The following TF variants were observed in gnomAD, a reference collection of about 807,000 sequenced individuals.
TF encodes serotransferrin.
Under a neutral mutation model 82.4 loss-of-function variants are expected in TF, and 55 were observed. That is an observed-to-expected ratio of 0.67 (90% CI 0.54 to 0.84). TF has a LOEUF of 0.84. Among genes scored for constraint, TF ranks in the 40% least tolerant of loss-of-function variants. The pLI is 0.00. For synonymous variants in TF, 332 were observed against 332.6 expected, an observed-to-expected ratio of 1.00 and a Z score of 0.02; for missense variants, 737 against 868.4, an observed-to-expected ratio of 0.85 and a Z score of 1.90.
chr3:133,778,511 TG>T, intron 16 of TF, 74 bp from the exon 17 acceptor site: 1 of 1,525,782 alleles, frequency 6.6e-7, no homozygotes, highest in Non-Finnish European at 9.1e-7. Flanking sequence ...ATGCTGAAAT[TG>T]TTCAATCACT....
At chr3:133,670,511 CT>C in the TF span, among the ~76,000 whole-genome samples, 2 of 152,168 alleles carry the variant, frequency 1.3e-5, no homozygotes, top group Non-Finnish European at 2.9e-5. Flanking sequence ...AGAGTTTGAT[CT>C]AATCTAGGGT....
chr3:133,674,738 C>G, the TF span, among the ~76,000 whole-genome samples: 1 of 148,610 alleles, frequency 6.7e-6, no homozygotes, highest in Non-Finnish European at 1.5e-5. Flanking sequence ...ACAGCGGGAC[C>G]CTGCGCGACA....
intron 2 of TF, among the ~76,000 whole-genome samples, chr3:133,752,792 C>T (rs1361224924): frequency 6.6e-6 from 1 of 152,184 alleles, no homozygotes; most frequent in Non-Finnish European, 1.5e-5. Context: ...ATATTTCTCA[C>T]TTGTAAAATG....
At chr3:133,681,708 C>T in the TF span, among the ~76,000 whole-genome samples, 2 of 152,304 alleles carry the variant, frequency 1.3e-5, no homozygotes, top group South Asian at 2.1e-4. Flanking sequence ...CCCAGAAGCT[C>T]GAACTGGGTG....
chr3:133,726,828 A>T, the TF span, among the ~76,000 whole-genome samples: 3 of 151,886 alleles, frequency 2.0e-5, no homozygotes, highest in Non-Finnish European at 4.4e-5. Flanking sequence ...CACTGCTCTG[A>T]ATGCGTCCCA....
the TF span, among the ~76,000 whole-genome samples, chr3:133,734,984 C>A: frequency 1.3e-5 from 2 of 152,154 alleles, no homozygotes; most frequent in East Asian, 1.9e-4. Context: ...ACATGTGGAT[C>A]TTCTTTGGGA....
chr3:133,783,949 AG>A lies in TF; in HGVS notation c.*5332del, dbSNP rs1213383066. 6.6e-6 allele frequency: 1 copy of A among 152,558 alleles called. No individual in the cohort carries two copies. Among genetic ancestry groups the A allele is most frequent in the African/African-American group, 2.4e-5 (1 of 41,464 alleles). The allele number at this position is 152,558 out of a possible 1,614,324, so 9.5% of individuals were successfully genotyped here. A position where few individuals can be genotyped will look rare whatever the true frequency, so the allele number is the denominator to read the frequency against. Reference sequence around the variant, plus strand: ...CGGCAGGTATAGCAGGGCGGGAAGCAGGGAGGCGGCCCCAACGCCGCGGAGG... The same window carrying A: ...CGGCAGGTATAGCAGGGCGGGAAGCAGGAGGCGGCCCCAACGCCGCGGAGG... On this transcript the variant is annotated 3_prime_UTR_variant, in exon 17 of 17. Transcript: ENST00000402696.
chr3:133,688,980 AAG>A, the TF span, among the ~76,000 whole-genome samples: 1 of 152,234 alleles, frequency 6.6e-6, no homozygotes, highest in Non-Finnish European at 1.5e-5. Flanking sequence ...AAATAATAAA[AAG>A]AAAATTATTT....
chr3:133,678,202 A>G, the TF span, among the ~76,000 whole-genome samples: 4 of 152,156 alleles, frequency 2.6e-5, no homozygotes, highest in East Asian at 7.7e-4. Flanking sequence ...ATCCTTTTTT[A>G]TGGGTGCATA....
chr3:133,678,034 C>A, the TF span, among the ~76,000 whole-genome samples: 1 of 152,062 alleles, frequency 6.6e-6, no homozygotes, highest in South Asian at 2.1e-4. Context: ...CAACAGGCTC[C>A]GGTGTGTGCT....
At chr3:133,674,479 A>T in the TF span, among the ~76,000 whole-genome samples, 22,589 of 152,254 alleles carry the variant, frequency 0.15, 1,918 homozygotes, top group Non-Finnish European at 0.2. Context: ...GAGGAGTGCG[A>T]GGAGTGGCGA....
chr3:133,703,962 C>T, the TF span, among the ~76,000 whole-genome samples: 1 of 152,108 alleles, frequency 6.6e-6, no homozygotes, highest in Non-Finnish European at 1.5e-5. Flanking sequence ...GTGGTGAGGT[C>T]ATATCCAGGA....
the TF span, among the ~76,000 whole-genome samples, chr3:133,708,323 G>C: frequency 6.6e-6 from 1 of 152,144 alleles, no homozygotes; most frequent in African/African-American, 2.4e-5. Flanking sequence ...AATGCAGCAA[G>C]ACTCCGTCTC....
rs1934871659 is a variant in TF, at chr3:133,792,726, T to C, written c.*14106T>C. The C allele has an allele frequency of 6.6e-6, 1 of 152,214 alleles. No homozygotes were observed. Among genetic ancestry groups the C allele is most frequent in the South Asian group, 2.1e-4 (1 of 4,836 alleles). The allele number at this position is 152,214 out of a possible 1,614,324, so 9.4% of individuals were successfully genotyped here. ...CAAGGCATGGGAATGTAGATTTTTTTTTCTGTCTAAAGGGTTAAAGGATTG... is the reference window on the plus strand; with the variant it reads ...CAAGGCATGGGAATGTAGATTTTTTCTTCTGTCTAAAGGGTTAAAGGATTG... On this transcript the variant is annotated 3_prime_UTR_variant, in exon 17 of 17. Coordinates refer to ENST00000402696, the MANE Select transcript of TF (RefSeq NM_001063.4).
chr3:133,704,623 G>A, the TF span, among the ~76,000 whole-genome samples: 2 of 152,172 alleles, frequency 1.3e-5, no homozygotes, highest in Non-Finnish European at 2.9e-5. Context: ...CACTAGTTCA[G>A]GAAAATGGGT....
the TF span, among the ~76,000 whole-genome samples, chr3:133,668,995 A>G: frequency 1.3e-5 from 2 of 150,478 alleles, no homozygotes; most frequent in East Asian, 1.9e-4. Flanking sequence ...TCACATCTCT[A>G]TTTTCTTTTT....
chr3:133,766,431 T>C lies in TF; in HGVS notation c.1484T>C (p.Phe495Ser). The C allele has an allele frequency of 6.2e-7, 1 of 1,614,050 alleles. No homozygotes were observed. The highest frequency in any genetic ancestry group is 8.5e-7 in the Non-Finnish European group (1 of 1,179,996). The change falls in exon 12 of 17, where the codon TTT becomes TCT. Residue 495 changes from phenylalanine to serine, a missense_variant and splice_region_variant. Transcript: ENST00000402696. ...TACAATAAGATCAACCACTGCAGAT[T>C]TGGTGAGTGAATATTGGGAAGGAGG... ...LLYNKINHCR[F>S]DEFFSEGCAP...
At chr3:133,676,604 G>C in the TF span, among the ~76,000 whole-genome samples, 3 of 152,246 alleles carry the variant, frequency 2.0e-5, no homozygotes, top group African/African-American at 7.2e-5. Flanking sequence ...GGCAGGAAGG[G>C]AAGGGGATGC....
chr3:133,714,533 TCA>T, the TF span, among the ~76,000 whole-genome samples: 2 of 152,208 alleles, frequency 1.3e-5, no homozygotes, highest in Non-Finnish European at 2.9e-5. Flanking sequence ...TTTCTTTACA[TCA>T]GAAGGTGCAT....
Sources: gnomAD v4.1 joint callset for allele counts (sites outside exome capture counted in the v4.1 genomes callset) on GRCh38, gnomAD v4.1.1 for gene constraint, MANE v1.5 for transcripts, NCBI Gene and HGNC (gene_info 2026-07-23, HGNC 2026-07-21) for gene names.